Variants in KMT2C observed in about 807,000 individuals in gnomAD.
The protein encoded by KMT2C is histone-lysine N-methyltransferase 2C.
KMT2C carries 88 observed loss-of-function variants against 507.9 expected under a neutral mutation model. That is an observed-to-expected ratio of 0.17 (90% CI 0.15 to 0.21). The LOEUF is 0.21. KMT2C is among the 10% of genes least tolerant of loss of function. The pLI, the probability that KMT2C is intolerant of heterozygous loss-of-function variation, is 1.00. For synonymous variants in KMT2C, 2,049 were observed against 2,080.8 expected, an observed-to-expected ratio of 0.98 and a Z score of 0.42; for missense variants, 4,954 against 5,957.8, an observed-to-expected ratio of 0.83 and a Z score of 5.55.
Position 152,157,625 on chromosome 7 carries a change from C to T in KMT2C, c.11670+1238G>A. The T allele has an allele frequency of 4.6e-6, 2 of 433,116 alleles. 1 individual carries two copies. The highest frequency in any genetic ancestry group is 4.4e-5 in the African/African-American group (2 of 45,704). The allele number at this position is 433,116 out of a possible 1,614,324, so 26.8% of individuals were successfully genotyped here. ...AATACTTCACCAGGTAAAATTTTAA[C>T]CCTGTAGCTGAACTTAAGTTTTAAT... On this transcript the variant is annotated intron_variant, in intron 44 of 58. Coordinates refer to ENST00000262189, the MANE Select transcript of KMT2C (RefSeq NM_170606.3).
intron 7 of KMT2C, among the ~76,000 whole-genome samples, chr7:152,268,741 CTAAT>C (rs1303274173): frequency 1.3e-5 from 2 of 152,230 alleles, no homozygotes; most frequent in South Asian, 2.1e-4. Flanking sequence ...AAATAATAAA[CTAAT>C]TATCAGATAA....
At chr7:152,285,530 G>T (rs2096281929) in intron 6 of KMT2C, among the ~76,000 whole-genome samples, 1 of 152,230 alleles carries the variant, frequency 6.6e-6, no homozygotes, top group Non-Finnish European at 1.5e-5. Context: ...ACAGCATAGG[G>T]ACTAATATCA....
chr7:152,232,467 T>G (rs2095148438), intron 16 of KMT2C, among the ~76,000 whole-genome samples: 1 of 152,196 alleles, frequency 6.6e-6, no homozygotes, highest in Non-Finnish European at 1.5e-5. Flanking sequence ...GCAAAGTCAT[T>G]ATATGTAGTC....
rs1478355975 is a variant in KMT2C, at chr7:152,220,511, A to T, written c.3712+12T>A. 6.4e-7 allele frequency: 1 copy of T among 1,570,658 alleles called. No individual in the cohort carries two copies. Among genetic ancestry groups the T allele is most frequent in the Non-Finnish European group, 8.8e-7 (1 of 1,142,260 alleles). On this transcript the variant is annotated intron_variant, in intron 23 of 58. Transcript: ENST00000262189. ...TTGCACACATATTTCATGGAAAATA[A>T]ATTAGTATTACCTCGACTATCATCC... is the stretch of plus-strand genomic sequence containing the variant.
At chr7:152,318,914 T>C (rs1485862786) in intron 3 of KMT2C, among the ~76,000 whole-genome samples, 1 of 152,062 alleles carries the variant, frequency 6.6e-6, no homozygotes, top group Non-Finnish European at 1.5e-5. Context: ...ATGAATCTGG[T>C]CTCAAAATGA....
chr7:152,374,269 T>C (rs1194328459), intron 1 of KMT2C, among the ~76,000 whole-genome samples: 6 of 151,746 alleles, frequency 4.0e-5, no homozygotes, highest in South Asian at 4.2e-4. Flanking sequence ...TGACCCGAGA[T>C]TGCACCATTG....
chr7:152,201,298 AC>A (rs2129134235), intron 26 of KMT2C, among the ~76,000 whole-genome samples: 1 of 126,748 alleles, frequency 7.9e-6, no homozygotes, highest in Non-Finnish European at 1.6e-5. Context: ...ACACAGACAC[AC>A]ACACACACAC....
intron 3 of KMT2C, among the ~76,000 whole-genome samples, chr7:152,317,842 T>C (rs1453246565): frequency 1.3e-5 from 2 of 152,086 alleles, no homozygotes; most frequent in South Asian, 2.1e-4. Flanking sequence ...CCTGCCTGTA[T>C]TTTAAAAAGA....
At chr7:152,212,033 G>C (rs2094466597) in intron 23 of KMT2C, among the ~76,000 whole-genome samples, 1 of 152,082 alleles carries the variant, frequency 6.6e-6, no homozygotes, top group Non-Finnish European at 1.5e-5. Context: ...GGGCGACAAA[G>C]CAAGACTCCA....
At chr7:152,407,971 T>C (rs2097637516) in intron 1 of KMT2C, among the ~76,000 whole-genome samples, 1 of 152,310 alleles carries the variant, frequency 6.6e-6, no homozygotes, top group African/African-American at 2.4e-5. Flanking sequence ...TATACTTCAG[T>C]ATTATTTAGC....
chr7:152,338,199 T>C (rs551935775), intron 2 of KMT2C, among the ~76,000 whole-genome samples: 1 of 152,196 alleles, frequency 6.6e-6, no homozygotes, highest in East Asian at 1.9e-4. Context: ...ACATCATGAA[T>C]TATTAAATTG....
rs752091448 is a variant in KMT2C at position 152,162,371 on chromosome 7, A to G, written c.11206T>C (p.Leu3736=). 9.3e-6 allele frequency: 15 copies of G among 1,614,048 alleles called. No individual in the cohort carries two copies. The highest frequency in any genetic ancestry group is 5.3e-5 in the African/African-American group (4 of 74,904). The change falls in exon 43 of 59, where the codon TTG becomes CTG. Residue 3736 remains leucine, a synonymous_variant. Transcript: ENST00000262189. ...ESCPGQEEPK[L]EEQNGSKVEG... ...ACCTTACTACCATTCTGTTCCTCCAATTTAGGCTCCTCTTGGCCTGGGCAG... is the reference window on the plus strand; with the variant it reads ...ACCTTACTACCATTCTGTTCCTCCAGTTTAGGCTCCTCTTGGCCTGGGCAG...
intron 41 of KMT2C, among the ~76,000 whole-genome samples, chr7:152,168,757 TG>T (rs2092836702): frequency 1.3e-5 from 2 of 152,212 alleles, no homozygotes; most frequent in African/African-American, 4.8e-5. Flanking sequence ...AGGGGCACCT[TG>T]CATACCTGAC....
intron 12 of KMT2C, among the ~76,000 whole-genome samples, chr7:152,250,602 G>A (rs1382577838): frequency 6.6e-6 from 1 of 152,044 alleles, no homozygotes; most frequent in African/African-American, 2.4e-5. Flanking sequence ...ATAAAAATAC[G>A]AATTGCTTTT....
intron 43 of KMT2C, among the ~76,000 whole-genome samples, chr7:152,161,151 G>C (rs2092435382): frequency 1.3e-5 from 2 of 152,012 alleles, no homozygotes; most frequent in Admixed American, 1.3e-4. Flanking sequence ...TATATTTACT[G>C]GTGACAACTG....
intron 24 of KMT2C, 93 bp from the exon 25 acceptor site, chr7:152,205,318 G>T: frequency 1.2e-5 from 9 of 743,638 alleles, no homozygotes; most frequent in Non-Finnish European, 1.5e-5. Context: ...TGAATAGTAA[G>T]TCATTTTCCA....
Position 152,171,361 on chromosome 7 carries a change from C to A in KMT2C, c.9375-19G>T, listed in dbSNP as rs779854128. On this transcript the variant is annotated intron_variant, in intron 39 of 58. Coordinates refer to ENST00000262189, the MANE Select transcript of KMT2C (RefSeq NM_170606.3). ...AGGGAACCTGTCAAAACAGGGTACA[C>A]AAGTATCAAGTGATGAGCGTTTAGA... 4.0e-6 allele frequency: 6 copies of A among 1,509,734 alleles called. No individual in the cohort carries two copies. Among genetic ancestry groups the A allele is most frequent in the East Asian group, 2.3e-5 (1 of 44,006 alleles). 93.5% of individuals were successfully genotyped at this position (1,509,734 alleles called of 1,614,324 possible).
At chr7:152,219,832 T>G (rs1244647074) in intron 23 of KMT2C, among the ~76,000 whole-genome samples, 2 of 152,054 alleles carry the variant, frequency 1.3e-5, no homozygotes, top group Admixed American at 1.3e-4. Context: ...CAAAACCCCA[T>G]CTCTACAAAA....
At chr7:152,255,349 A>G (rs1268688313) in intron 9 of KMT2C, among the ~76,000 whole-genome samples, 1 of 151,354 alleles carries the variant, frequency 6.6e-6, no homozygotes, top group Non-Finnish European at 1.5e-5. Context: ...TTGTATTTGT[A>G]GAGAGGCAGT....
Sources: gnomAD v4.1 joint callset for allele counts (sites outside exome capture counted in the v4.1 genomes callset) on GRCh38, gnomAD v4.1.1 for gene constraint, MANE v1.5 for transcripts, NCBI Gene and HGNC (gene_info 2026-07-23, HGNC 2026-07-21) for gene names.